MTUS1: variants seen among roughly 807,000 people sequenced by gnomAD.
MTUS1 encodes the protein microtubule associated scaffold protein 1.
MTUS1 carries 109 observed loss-of-function variants against 120.8 expected under a neutral mutation model. That is an observed-to-expected ratio of 0.90 (90% CI 0.77 to 1.06). The LOEUF is 1.06. Ranked by LOEUF, MTUS1 falls within the 50% of genes least tolerant of loss-of-function variation. MTUS1 has a pLI of 0.00. For missense variants in MTUS1, 2,210 were observed against 1,486.3 expected (o/e 1.49, Z -8.01); for synonymous variants, 737 against 550.5 (o/e 1.34, Z -4.74).
chr8:17,647,124 A>G, intron 13 of MTUS1, 45 bp from the exon 14 acceptor site: 1 of 1,505,358 alleles, frequency 6.6e-7, no homozygotes, highest in Admixed American at 1.9e-5. Flanking sequence ...TATTAAAAAA[A>G]AAACCCCTCA....
chr8:17,767,700 T>TAAGAAAAAAA (rs1554533204), intron 1 of MTUS1, among the ~76,000 whole-genome samples: 5 of 87,888 alleles, frequency 5.7e-5, no homozygotes, highest in African/African-American at 2.0e-4. Context: ...CCCTGTCTCT[T>TAAGAAAAAAA]AAAAAAAAAA....
At chr8:17,654,940 A>G in intron 9 of MTUS1, 1 of 394,190 alleles carries the variant, frequency 2.5e-6, no homozygotes. Context: ...GCACACACAA[A>G]GAATGCATGA....
chr8:17,673,153 G>C (rs1304956938), intron 8 of MTUS1, among the ~76,000 whole-genome samples: 4 of 152,158 alleles, frequency 2.6e-5, no homozygotes, highest in Admixed American at 6.5e-5. Flanking sequence ...AAGCAAGTTG[G>C]GTTGGTCATT....
intron 7 of MTUS1, among the ~76,000 whole-genome samples, chr8:17,681,919 T>A (rs1814604181): frequency 6.6e-6 from 1 of 152,150 alleles, no homozygotes; most frequent in South Asian, 2.1e-4. Context: ...AAAATAATAT[T>A]TCAATATATT....
At chr8:17,795,817 A>C (rs1373036578) in intron 1 of MTUS1, among the ~76,000 whole-genome samples, 1 of 150,224 alleles carries the variant, frequency 6.7e-6, no homozygotes, top group Admixed American at 6.6e-5. Context: ...TTGTATTTTT[A>C]GTAGAGTCGG....
intron 3 of MTUS1, among the ~76,000 whole-genome samples, chr8:17,729,349 C>A (rs931535915): frequency 6.6e-6 from 1 of 152,204 alleles, no homozygotes; most frequent in Admixed American, 6.5e-5. Flanking sequence ...ACTAAATATA[C>A]ATGTTTAAGA....
intron 8 of MTUS1, among the ~76,000 whole-genome samples, chr8:17,669,302 G>A (rs768989758): frequency 6.6e-5 from 10 of 152,330 alleles, no homozygotes; most frequent in South Asian, 2.1e-4. Flanking sequence ...GGTCCGCGAC[G>A]GGAGGGGAGT....
rs1387567589 is a variant in MTUS1, at chr8:17,729,981, C to G, written c.2288-6148G>C. On this transcript the variant is annotated intron_variant, in intron 3 of 14. Coordinates refer to ENST00000693296, the MANE Select transcript of MTUS1 (RefSeq NM_001363059.2). ...CACTTTGTACCTAATGGGATGCTAT[C>G]ATCAAAAAAAAAAAAAAAAAAAGCA... 5.6e-5 allele frequency among the ~76,000 whole-genome samples: 6 copies of G among 107,384 alleles called. No individual in the cohort carries two copies. The Admixed American group carries it at 6.2e-4, about 11-fold the overall frequency. The allele number at this position is 107,384 out of a possible 152,430, so 70.4% of individuals were successfully genotyped here.
chr8:17,695,218 T>A (rs111341738), intron 6 of MTUS1, among the ~76,000 whole-genome samples: 1 of 152,198 alleles, frequency 6.6e-6, no homozygotes, highest in Admixed American at 6.5e-5. Flanking sequence ...ATTCCTTACA[T>A]GATTTTAAAA....
At chr8:17,749,524 G>C (rs757190433) in intron 2 of MTUS1, among the ~76,000 whole-genome samples, 1 of 151,918 alleles carries the variant, frequency 6.6e-6, no homozygotes, top group Non-Finnish European at 1.5e-5. Flanking sequence ...AGCTGGGTGT[G>C]GTGGTCCTCA....
chr8:17,769,920 ACACACAC>A (rs1215905903), intron 1 of MTUS1, among the ~76,000 whole-genome samples: 1 of 30,268 alleles, frequency 3.3e-5, no homozygotes, highest in Non-Finnish European at 7.1e-5. Context: ...ACACACACAC[ACACACAC>A]GGGGGGGGTT....
chr8:17,739,403 G>C (rs1358606822), intron 3 of MTUS1, among the ~76,000 whole-genome samples: 1 of 152,006 alleles, frequency 6.6e-6, no homozygotes, highest in Non-Finnish European at 1.5e-5. Context: ...TGAGGCAGGA[G>C]AATTGCTTGA....
chr8:17,692,205 T>C (rs952132856), intron 6 of MTUS1: 1 of 152,196 alleles, frequency 6.6e-6, no homozygotes, highest in African/African-American at 2.4e-5. Flanking sequence ...TACCTGTCTG[T>C]GGGACAGAGA....
At chr8:17,739,498 A>G in intron 3 of MTUS1, among the ~76,000 whole-genome samples, 1 of 145,892 alleles carries the variant, frequency 6.9e-6, no homozygotes, top group African/African-American at 2.5e-5. Context: ...CCATCTCATA[A>G]ATAAATAAAT....
intron 7 of MTUS1, among the ~76,000 whole-genome samples, chr8:17,680,462 CGCAAAAAAAAAAAAAAAAAAAAA>C (rs1814169688): frequency 2.2e-5 from 2 of 92,200 alleles, no homozygotes; most frequent in East Asian, 3.1e-4. Context: ...AGGCCACTGT[CGCAAAAAAAAAAAAAAAAAAAAA>C]AAAAAAAAAA....
Position 17,653,191 on chromosome 8 carries a change from T to A in MTUS1, c.3379A>T (p.Asn1127Tyr). 1.3e-6 allele frequency: 2 copies of A among 1,531,468 alleles called. No homozygotes were observed. Among genetic ancestry groups the A allele is most frequent in the Non-Finnish European group, 1.8e-6 (2 of 1,140,330 alleles). The allele number at this position is 1,531,468 out of a possible 1,614,324, so 94.9% of individuals were successfully genotyped here. ...AAGGAGCACACACAACTTACCAAAT[T>A]TGCTTTTTCTCTTGCTCTTCTTTTT... ...EQKRRAREKA[N>Y]LKNPQIMYLE... Residue 1127 changes from asparagine to tyrosine, a missense_variant, in exon 12 of 15, where the codon AAT becomes TAT. Asn to Tyr is a moderately radical substitution (Grantham distance 143). Coordinates refer to ENST00000693296, the MANE Select transcript of MTUS1 (RefSeq NM_001363059.2).
chr8:17,786,302 G>T (rs933823421), intron 1 of MTUS1, among the ~76,000 whole-genome samples: 3 of 152,106 alleles, frequency 2.0e-5, no homozygotes, highest in Non-Finnish European at 4.4e-5. Flanking sequence ...AGACCAGAGA[G>T]GTCTGGAAGG....
At chr8:17,661,253 G>T (rs1301942389) in intron 8 of MTUS1, among the ~76,000 whole-genome samples, 1 of 152,150 alleles carries the variant, frequency 6.6e-6, no homozygotes, top group Non-Finnish European at 1.5e-5. Flanking sequence ...CGTTGGTGAA[G>T]GTATCAAATA....
chr8:17,712,726 G>T (rs1163903134), intron 6 of MTUS1, among the ~76,000 whole-genome samples: 2 of 151,994 alleles, frequency 1.3e-5, no homozygotes, highest in African/African-American at 4.8e-5. Flanking sequence ...TCTTTTATGG[G>T]TTCTTGAGAG....
Sources: gnomAD v4.1 joint callset for allele counts (sites outside exome capture counted in the v4.1 genomes callset) on GRCh38, gnomAD v4.1.1 for gene constraint, MANE v1.5 for transcripts, NCBI Gene and HGNC (gene_info 2026-07-23, HGNC 2026-07-21) for gene names.